Variants in GPA33 observed in about 807,000 individuals in gnomAD.
GPA33 encodes the protein cell surface A33 antigen.
GPA33 carries 27 observed loss-of-function variants against 35.6 expected under a neutral mutation model. That is an observed-to-expected ratio of 0.76 (90% confidence interval 0.56 to 1.04). The LOEUF (loss-of-function observed/expected upper bound fraction) is 1.04, where lower values mean the gene tolerates loss of function less well. Ranked by LOEUF, GPA33 falls within the 50% of genes least tolerant of loss-of-function variation. The pLI, the probability that GPA33 is intolerant of heterozygous loss-of-function variation, is 0.00. For missense variants in GPA33, 428 were observed against 411.9 expected, an observed-to-expected ratio of 1.04 and a Z score of -0.34; for synonymous variants, 176 against 164.0, an observed-to-expected ratio of 1.07 and a Z score of -0.56.
At chr1:167,071,809 C>A (rs545458043) in intron 2 of GPA33, among the ~76,000 whole-genome samples, 4 of 152,142 alleles carry the variant, frequency 2.6e-5, no homozygotes, top group Non-Finnish European at 5.9e-5. Context: ...CAATAATCTC[C>A]TTGAGGGGCC....
At chr1:167,070,600 T>A (rs1470645019) in intron 2 of GPA33, among the ~76,000 whole-genome samples, 2 of 152,160 alleles carry the variant, frequency 1.3e-5, no homozygotes, top group Non-Finnish European at 2.9e-5. Context: ...ACTAAACAGT[T>A]TGCATTTACC....
chr1:167,081,753 G>A (rs765505067), intron 1 of GPA33, among the ~76,000 whole-genome samples: 6 of 152,178 alleles, frequency 3.9e-5, no homozygotes, highest in Non-Finnish European at 8.8e-5. Context: ...TGTTGATATG[G>A]GCTGTGCATC....
intron 3 of GPA33, among the ~76,000 whole-genome samples, chr1:167,066,095 C>T (rs1197061068): frequency 6.6e-6 from 1 of 152,168 alleles, no homozygotes; most frequent in Non-Finnish European, 1.5e-5. Flanking sequence ...CCAGGAATGC[C>T]TTGAATCGGA....
At chr1:167,071,142 G>A (rs1666710283) in intron 2 of GPA33, among the ~76,000 whole-genome samples, 1 of 152,012 alleles carries the variant, frequency 6.6e-6, no homozygotes, top group Admixed American at 6.6e-5. Flanking sequence ...TAGAGAAATG[G>A]CAAGTCACCA....
Position 167,090,252 on chromosome 1 carries a change from G to A in GPA33, c.36C>T (p.Leu12=), listed in dbSNP as rs1185050967. 6 of 1,612,878 alleles carry A rather than the reference G, an allele frequency of 3.7e-6. No individual in the cohort carries two copies. The highest frequency in any genetic ancestry group is 3.4e-6 in the Non-Finnish European group (4 of 1,178,902). Residue 12 remains leucine, a synonymous_variant, in exon 1 of 7, where the codon CTC becomes CTT. Transcript: ENST00000367868. ...GAAAAGGGGCCTACTCACCTGCACA[G>A]AGTGTCCACAACACAGGCCACATCT... ...VGKMWPVLWT[L]CAVRVTVDAI...
At chr1:167,073,770 T>C (rs993347711) in intron 1 of GPA33, among the ~76,000 whole-genome samples, 6 of 152,118 alleles carry the variant, frequency 3.9e-5, no homozygotes, top group Non-Finnish European at 7.4e-5. Context: ...GCATGATGAA[T>C]TGCCTGGCCC....
At chr1:167,066,614 C>T (rs954478492) in intron 3 of GPA33, among the ~76,000 whole-genome samples, 2 of 152,240 alleles carry the variant, frequency 1.3e-5, no homozygotes, top group Admixed American at 1.3e-4. Context: ...CAGATCAAAT[C>T]GTCCTTCCAC....
intron 3 of GPA33, among the ~76,000 whole-genome samples, chr1:167,067,538 G>C (rs1358186282): frequency 6.6e-6 from 1 of 152,084 alleles, no homozygotes; most frequent in African/African-American, 2.4e-5. Context: ...GGAGGATTTC[G>C]GGGGAGTGTG....
At chr1:167,084,385 T>C (rs1387289164) in intron 1 of GPA33, among the ~76,000 whole-genome samples, 1 of 152,148 alleles carries the variant, frequency 6.6e-6, no homozygotes, top group Non-Finnish European at 1.5e-5. Context: ...TCTGAATTTG[T>C]AGGTGGGGGA....
In GPA33 at chr1:167,055,078, G is replaced by C; in HGVS notation, c.725C>G (p.Ala242Gly). 6.2e-7 allele frequency: 1 copy of C among 1,613,566 alleles called. No homozygotes were observed. Among genetic ancestry groups the C allele is most frequent in the Non-Finnish European group, 8.5e-7 (1 of 1,179,968 alleles). The change falls in exon 6 of 7, where the codon GCG becomes GGG. Residue 242 changes from alanine to glycine, a missense_variant. Coordinates refer to ENST00000367868, the MANE Select transcript of GPA33 (RefSeq NM_005814.3). ...SMNVALYVGI[A>G]VGVVAALIII... ...AATGAGGGCTGCAACCACGCCCACCGCGATGCCCACATACAGGGCCACGTT... is the reference window on the plus strand; with the variant it reads ...AATGAGGGCTGCAACCACGCCCACCCCGATGCCCACATACAGGGCCACGTT...
intron 1 of GPA33, among the ~76,000 whole-genome samples, chr1:167,082,522 G>T (rs1182421058): frequency 6.6e-6 from 1 of 152,162 alleles, no homozygotes; most frequent in African/African-American, 2.4e-5. Context: ...GTAGGTTATA[G>T]GGAAGGTGCT....
At position 167,054,437 on chromosome 1, in the gene GPA33, TCTGGTGGCTCCTCA is replaced by T. The variant is rs768631567; in HGVS notation, c.843_856del (p.Tyr281Ter). ...CTCTCTGGAAAGTTCTCTTAGCTGC[TCTGGTGGCTCCTCA>T]TAGGCTTCCCGGTTCCTGCAGGGCA... On this transcript the variant is annotated stop_gained and frameshift_variant, in exon 7 of 7. Coordinates refer to ENST00000367868, the MANE Select transcript of GPA33 (RefSeq NM_005814.3). LOFTEE classifies it low-confidence loss of function (END_TRUNC). 2 of 1,614,042 alleles carry T rather than the reference TCTGGTGGCTCCTCA, an allele frequency of 1.2e-6. No individual in the cohort carries two copies. The highest frequency in any genetic ancestry group is 1.1e-5 in the South Asian group (1 of 91,070).
At chr1:167,055,214 T>C in intron 5 of GPA33, 103 bp from the exon 6 acceptor site, 7 of 1,087,898 alleles carry the variant, frequency 6.4e-6, no homozygotes, top group Non-Finnish European at 8.1e-6. Context: ...TAACACTCCA[T>C]GAAAGGCATG....
intron 1 of GPA33, among the ~76,000 whole-genome samples, chr1:167,080,046 C>G (rs1217464148): frequency 6.6e-6 from 1 of 152,188 alleles, no homozygotes; most frequent in Non-Finnish European, 1.5e-5. Context: ...CTTTCCGCTT[C>G]CTTGTATAGG....
intron 4 of GPA33, among the ~76,000 whole-genome samples, chr1:167,062,855 G>A (rs1666490648): frequency 2.0e-5 from 3 of 151,864 alleles, no homozygotes; most frequent in African/African-American, 7.3e-5. Flanking sequence ...ACGGCTGAGA[G>A]GGACCGGCCT....
chr1:167,072,841 G>C (rs547998548), intron 2 of GPA33, among the ~76,000 whole-genome samples: 1 of 151,958 alleles, frequency 6.6e-6, no homozygotes, highest in Admixed American at 6.6e-5. Context: ...ATCCATGCTC[G>C]TATATGCCCT....
intron 4 of GPA33, among the ~76,000 whole-genome samples, chr1:167,061,870 TACTA>T (rs1412684841): frequency 6.6e-6 from 1 of 152,130 alleles, no homozygotes; most frequent in African/African-American, 2.4e-5. Flanking sequence ...CCAAAGTGTC[TACTA>T]ACTTTTTTAA....
chr1:167,073,612 A>G, intron 1 of GPA33, 73 bp from the exon 2 acceptor site: 3 of 1,288,020 alleles, frequency 2.3e-6, no homozygotes, highest in Non-Finnish European at 3.3e-6. Context: ...TGCCCACAGG[A>G]CCACTGAGGG....
At position 167,053,401 on chromosome 1, in the gene GPA33, G is replaced by T. The variant is rs552289922; in HGVS notation, c.*933C>A. On this transcript the variant is annotated 3_prime_UTR_variant, in exon 7 of 7. Transcript: ENST00000367868. ...ATCATCTCAAGGAGACCAGAGAAGG[G>T]AAGGCACAACCAATCAAAGCAGTTT... The T allele has an allele frequency of 1.3e-5, 2 of 152,380 alleles. No homozygotes were observed. The highest frequency in any genetic ancestry group is 1.9e-4 in the East Asian group (1 of 5,190). The allele number at this position is 152,380 out of a possible 1,614,324, so 9.4% of individuals were successfully genotyped here. A position where few individuals can be genotyped will look rare whatever the true frequency, so the allele number is the denominator to read the frequency against.
Sources: allele counts gnomAD v4.1 joint callset (sites outside exome capture counted in the v4.1 genomes callset), GRCh38; gene constraint gnomAD v4.1.1; transcripts MANE v1.5; gene names NCBI Gene and HGNC (gene_info 2026-07-23, HGNC 2026-07-21).